NXF3: variants seen among roughly 807,000 people sequenced by gnomAD.
NXF3 encodes TAP-like protein 3.
Under a neutral mutation model 48.4 loss-of-function variants are expected in NXF3, and 34 were observed. The observed-to-expected ratio is 0.70, with a 90% confidence interval of 0.53 to 0.93. NXF3 has a LOEUF of 0.93. NXF3 is among the 40% of genes least tolerant of loss of function. The probability of loss-of-function intolerance (pLI) is 0.00; values close to 1 mark genes in which losing one functional copy is unlikely to be tolerated. For missense variants in NXF3, 359 were observed against 406.1 expected, an observed-to-expected ratio of 0.88 and a Z score of 1.00; for synonymous variants, 132 against 145.7, an observed-to-expected ratio of 0.91 and a Z score of 0.68.
intron 4 of NXF3, 46 bp downstream of exon 4, chrX:103,083,563 C>G (rs202037958): frequency 8.5e-7 from 1 of 1,171,321 alleles, no homozygotes; most frequent in East Asian, 3.0e-5. Flanking sequence ...CATCCAGCCC[C>G]CAACCTGTCC....
Position 103,079,419 on chromosome X carries a change from A to G in NXF3, c.1275T>C (p.Ser425=). The G allele has an allele frequency of 8.3e-7, 1 of 1,211,480 alleles. No homozygotes were observed. The highest frequency in any genetic ancestry group is 3.0e-5 in the East Asian group (1 of 33,798). Residue 425 remains serine (S), a synonymous_variant, in exon 15 of 20, where the codon AGT becomes AGC. Transcript: ENST00000395065. ...GGTCATGCTGAGTTTTAGGCAACGC[A>G]CTGAGGGAGTCCACAATATCAAGTT... The part of the protein sequence containing the change: ...HTKLDIVDSL[S]ALPKTQHDLS...
At chrX:103,089,744 G>A (rs1922232699) in intron 1 of NXF3, among the ~76,000 whole-genome samples, 1 of 111,349 alleles carries the variant, frequency 9.0e-6, no homozygotes, top group South Asian at 3.8e-4. Context: ...GTCCACATGT[G>A]GCTCAAATTG....
chrX:103,078,686 A>G (rs1210808156), intron 16 of NXF3, 54 bp from the exon 17 acceptor site: 30 of 1,203,139 alleles, frequency 2.5e-5, no homozygotes, highest in Non-Finnish European at 2.7e-5. Flanking sequence ...TTACGTGCTC[A>G]CATGGTGATC....
chrX:103,087,516 T>A, intron 1 of NXF3: 1 of 1,013,440 alleles, frequency 9.9e-7, no homozygotes, highest in Non-Finnish European at 1.4e-6. Flanking sequence ...ATGAAACCTA[T>A]CAGAATAATG....
chrX:103,090,989 C>G (rs150072643), intron 1 of NXF3, among the ~76,000 whole-genome samples: 3,670 of 112,289 alleles, frequency 0.033, 64 homozygotes, highest in Non-Finnish European at 0.047. Context: ...TACACAAAAG[C>G]AAGGAATAGC....
At chrX:103,091,217 C>T (rs1922263759) in intron 1 of NXF3, among the ~76,000 whole-genome samples, 1 of 110,338 alleles carries the variant, frequency 9.1e-6, no homozygotes, top group Non-Finnish European at 1.9e-5. Flanking sequence ...TTTTTTTTGA[C>T]CCATGCCTTT....
chrX:103,093,055 G>T lies in NXF3; in HGVS notation c.-32C>A. 1 of 1,183,019 alleles carries T rather than the reference G, an allele frequency of 8.5e-7. No individual in the cohort carries two copies. Among genetic ancestry groups the T allele is most frequent in the Non-Finnish European group, 1.1e-6 (1 of 870,131 alleles). On this transcript the variant is annotated 5_prime_UTR_variant, in exon 1 of 20. Transcript: ENST00000395065. ...AATGTCCTTATAGGGCTCTCTTGAG[G>T]AGAATCTGTGTGGCCTGGGGACGGG...
rs1922071193 is a variant in NXF3, at chrX:103,083,495, T to G, written c.443A>C (p.Tyr148Ser). The G allele has an allele frequency of 1.7e-6, 2 of 1,203,201 alleles. No homozygotes were observed. The highest frequency in any genetic ancestry group is 3.5e-5 in the South Asian group (2 of 56,608). Residue 148 changes from tyrosine (Y) to serine (S), a missense_variant, in exon 5 of 20, where the codon TAT becomes TCT. Physicochemically the swap from Tyr to Ser is moderately radical, Grantham distance 144. Coordinates refer to ENST00000395065, the MANE Select transcript of NXF3 (RefSeq NM_022052.2). Reference sequence around the variant, plus strand: ...AAAGAAGCTGGCATGCATGTTTTCATAGTGAAACTATAGGGAGAGTTGCAA... The same window carrying G: ...AAAGAAGCTGGCATGCATGTTTTCAGAGTGAAACTATAGGGAGAGTTGCAA... ...SVPFVPVEFH[Y>S]ENMHASFFVE...
rs1274355818 is a variant in NXF3 at position 103,084,471 on chromosome X, A to G, written c.222T>C (p.Tyr74=). 2 of 1,211,568 alleles carry G rather than the reference A, an allele frequency of 1.7e-6. No homozygotes were observed. The highest frequency in any genetic ancestry group is 5.9e-5 in the East Asian group (2 of 33,831). ...GTTTACGAAAACTGCCTTTCCGATT[A>G]TAGGGTGAAATAGTATAGGGAGTGC... The part of the protein sequence containing the change: ...VRYTPYTISP[Y]NRKGSFRKQD... The change falls in exon 3 of 20, where the codon TAT becomes TAC. Residue 74 remains tyrosine (Y), a synonymous_variant. Coordinates refer to ENST00000395065, the MANE Select transcript of NXF3 (RefSeq NM_022052.2).
chrX:103,092,462 A>C (rs1569282576), intron 1 of NXF3, among the ~76,000 whole-genome samples: 1 of 112,918 alleles, frequency 8.9e-6, no homozygotes, highest in East Asian at 2.8e-4. Flanking sequence ...ATAGAGAAAT[A>C]GTTAAAACCA....
At chrX:103,087,458 G>A (rs187011319) in intron 1 of NXF3, 9 of 1,075,647 alleles carry the variant, frequency 8.4e-6, no homozygotes, top group African/African-American at 3.6e-5. Context: ...GTTTGTCAGC[G>A]CCACTTAAAA....
chrX:103,082,691 G>T, intron 8 of NXF3, 69 bp downstream of exon 8: 1 of 894,950 alleles, frequency 1.1e-6, no homozygotes, highest in Non-Finnish European at 1.6e-6. Context: ...GGATATCTTA[G>T]ACCAATTAGC....
chrX:103,087,931 T>C, intron 1 of NXF3: 1 of 947,645 alleles, frequency 1.1e-6, no homozygotes, highest in Non-Finnish European at 1.5e-6. Flanking sequence ...TTGAGCTCTT[T>C]TATTAAAGAA....
chrX:103,082,209 C>T (rs1158147676), intron 9 of NXF3, 46 bp downstream of exon 9: 2 of 928,573 alleles, frequency 2.2e-6, no homozygotes, highest in Non-Finnish European at 1.6e-6. Context: ...AGGGCGCTAT[C>T]AAACACAGGT....
intron 17 of NXF3, among the ~76,000 whole-genome samples, chrX:103,078,113 A>C (rs1569279291): frequency 8.9e-6 from 1 of 111,868 alleles, no homozygotes; most frequent in Non-Finnish European, 1.9e-5. Flanking sequence ...GAAAGAACTC[A>C]TACTCTGACT....
At chrX:103,082,936 C>G (rs1922051841) in intron 7 of NXF3, 68 bp downstream of exon 7, 5 of 1,146,211 alleles carry the variant, frequency 4.4e-6, no homozygotes, top group Non-Finnish European at 4.8e-6. Flanking sequence ...AAGTTGCCAA[C>G]CGTAAGTCTC....
At chrX:103,084,216 C>A in intron 3 of NXF3, 126 bp downstream of exon 3, 1 of 779,546 alleles carries the variant, frequency 1.3e-6, no homozygotes, top group East Asian at 3.2e-5. Flanking sequence ...GATGTTAACT[C>A]CTAGTAATAA....
intron 7 of NXF3, 24 bp downstream of exon 7, chrX:103,082,980 A>T (rs1319749849): frequency 2.5e-6 from 3 of 1,194,253 alleles, no homozygotes; most frequent in Non-Finnish European, 3.4e-6. Flanking sequence ...CTCATCTACC[A>T]TAGAATTACT....
intron 1 of NXF3, chrX:103,088,356 T>C: frequency 1.8e-6 from 1 of 544,353 alleles, no homozygotes; most frequent in Non-Finnish European, 3.2e-6. Flanking sequence ...TGGGTTCTCT[T>C]GGCAAACATG....
Sources: gnomAD v4.1 joint callset for allele counts (sites outside exome capture counted in the v4.1 genomes callset) on GRCh38, gnomAD v4.1.1 for gene constraint, MANE v1.5 for transcripts, NCBI Gene and HGNC (gene_info 2026-07-23, HGNC 2026-07-21) for gene names.